The following FBXL7 variants were observed in gnomAD, a reference collection of about 807,000 sequenced individuals.
FBXL7 encodes F-box and leucine rich repeat protein 7, also known as F-box/LRR-repeat protein 7.
In FBXL7, 12 loss-of-function variants were observed where a neutral mutation model predicts 38.3. The observed-to-expected ratio is 0.31, with a 90% confidence interval of 0.20 to 0.51. FBXL7 has a LOEUF of 0.51. Ranked by LOEUF, FBXL7 falls within the 20% of genes least tolerant of loss-of-function variation. The pLI, the probability that FBXL7 is intolerant of heterozygous loss-of-function variation, is 0.98. For synonymous variants in FBXL7, 297 were observed against 300.9 expected, an observed-to-expected ratio of 0.99 and a Z score of 0.13; for missense variants, 567 against 676.4, an observed-to-expected ratio of 0.84 and a Z score of 1.79.
intron 2 of FBXL7, among the ~76,000 whole-genome samples, chr5:15,626,381 T>C (rs561036099): frequency 6.6e-6 from 1 of 152,230 alleles, no homozygotes; most frequent in Non-Finnish European, 1.5e-5. Context: ...ATCATCTCAG[T>C]GTCCAGAAAA....
chr5:15,936,400 C>G lies in FBXL7; in HGVS notation c.740-50C>G, dbSNP rs1316605441. ...TGCCCCAGGGCATCCCCAGGCGTGG[C>G]TCCCCTGCTGGCAGGTTGCTCTGAG... is the stretch of plus-strand genomic sequence containing the variant. On this transcript the variant is annotated intron_variant, in intron 3 of 3. Transcript: ENST00000504595. The surrounding 1 kb of genome is among the most constrained non-coding windows in gnomAD (Gnocchi z 6.0). 1 of 1,574,792 alleles carries G rather than the reference C, an allele frequency of 6.4e-7. No individual in the cohort carries two copies. The highest frequency in any genetic ancestry group is 2.2e-5 in the East Asian group (1 of 44,468).
chr5:15,862,049 G>C (rs1242024562), intron 2 of FBXL7, among the ~76,000 whole-genome samples: 3 of 152,244 alleles, frequency 2.0e-5, no homozygotes, highest in Admixed American at 6.5e-5. Context: ...GACTGTCTTT[G>C]AGAATGGAAA....
At chr5:15,708,312 C>T (rs971791661) in intron 2 of FBXL7, among the ~76,000 whole-genome samples, 18 of 152,216 alleles carry the variant, frequency 1.2e-4, no homozygotes, top group African/African-American at 4.1e-4. Context: ...AATTGGGTCT[C>T]TCACTGGGTT....
At chr5:15,876,585 G>C (rs573135576) in intron 2 of FBXL7, among the ~76,000 whole-genome samples, 1 of 152,208 alleles carries the variant, frequency 6.6e-6, no homozygotes, top group South Asian at 2.1e-4. Flanking sequence ...TATTAGAAAC[G>C]TGAAACTTAG....
intron 2 of FBXL7, among the ~76,000 whole-genome samples, chr5:15,618,033 G>A (rs1740510482): frequency 6.6e-6 from 1 of 152,110 alleles, no homozygotes; most frequent in Non-Finnish European, 1.5e-5. Context: ...GGGGAGGGTA[G>A]TGTGGGACCT....
At chr5:15,924,063 G>A (rs1741816208) in intron 2 of FBXL7, among the ~76,000 whole-genome samples, 1 of 152,082 alleles carries the variant, frequency 6.6e-6, no homozygotes, top group Admixed American at 6.5e-5. Context: ...AAGAAACACT[G>A]GTTTCAGCGA....
Position 15,812,516 on chromosome 5 carries a change from T to A in FBXL7, c.128-115374T>A, listed in dbSNP as rs555723081. 6.4e-3 allele frequency among the ~76,000 whole-genome samples: 976 copies of A among 152,098 alleles called. 4 individuals are homozygous for A. Among genetic ancestry groups the A allele is most frequent in the African/African-American group, 0.011 (444 of 41,532 alleles). On this transcript the variant is annotated intron_variant, in intron 2 of 3. Transcript: ENST00000504595. ...AACTTAAAGTAAAATTTTAAAAAAA[T>A]TTTAAAAATTACTGTAGCCTTGTAG...
At chr5:15,899,980 C>A (rs1339693285) in intron 2 of FBXL7, among the ~76,000 whole-genome samples, 1 of 152,076 alleles carries the variant, frequency 6.6e-6, no homozygotes, top group African/African-American at 2.4e-5. Context: ...ATTAACTGGC[C>A]TTTGGAATAT....
intron 2 of FBXL7, among the ~76,000 whole-genome samples, chr5:15,880,755 A>C (rs771058272): frequency 1.4e-3 from 209 of 147,336 alleles, no homozygotes; most frequent in Admixed American, 3.7e-3. Flanking sequence ...ATATATACTT[A>C]GTAAAATAAA....
At chr5:15,620,703 C>T (rs1440625885) in intron 2 of FBXL7, among the ~76,000 whole-genome samples, 1 of 152,148 alleles carries the variant, frequency 6.6e-6, no homozygotes, top group Non-Finnish European at 1.5e-5. Flanking sequence ...GCGGAACTGG[C>T]CTGAAACTGA....
intron 2 of FBXL7, among the ~76,000 whole-genome samples, chr5:15,745,721 T>C (rs1735997393): frequency 6.6e-6 from 1 of 152,060 alleles, no homozygotes. Flanking sequence ...GACCCTACAT[T>C]TGGAGCAGCA....
At chr5:15,758,715 A>G (rs1736364301) in intron 2 of FBXL7, among the ~76,000 whole-genome samples, 2 of 152,154 alleles carry the variant, frequency 1.3e-5, no homozygotes, top group South Asian at 4.1e-4. Flanking sequence ...AAATGTACCC[A>G]CAGCAAGGTG....
At chr5:15,808,347 A>T (rs1026512527) in intron 2 of FBXL7, among the ~76,000 whole-genome samples, 8 of 152,238 alleles carry the variant, frequency 5.3e-5, no homozygotes, top group African/African-American at 1.7e-4. Context: ...TCTGAAAAAA[A>T]TTCATATATA....
intron 2 of FBXL7, among the ~76,000 whole-genome samples, chr5:15,697,322 A>C (rs1743372845): frequency 6.6e-6 from 1 of 152,182 alleles, no homozygotes; most frequent in Non-Finnish European, 1.5e-5. Context: ...CAAAATTTAT[A>C]ATCAAGAGTA....
intron 2 of FBXL7, among the ~76,000 whole-genome samples, chr5:15,696,741 A>G (rs1743349539): frequency 6.6e-6 from 1 of 152,206 alleles, no homozygotes; most frequent in South Asian, 2.1e-4. Context: ...CATCAGGACA[A>G]GATCTTGATT....
chr5:15,529,546 C>T lies in FBXL7; in HGVS notation c.37+28833C>T, dbSNP rs567133943. Among the ~76,000 whole-genome samples, 152 of 152,062 alleles carry T rather than the reference C, an allele frequency of 1.0e-3. 1 individual carries two copies. Among genetic ancestry groups the T allele is most frequent in the African/African-American group, 2.9e-3 (122 of 41,498 alleles). On this transcript the variant is annotated intron_variant, in intron 1 of 3. Coordinates refer to ENST00000504595, the MANE Select transcript of FBXL7 (RefSeq NM_012304.5). ...GACTACAGGTGCCCGCCACCATGCC[C>T]GGCTAATTTTTTTGTATTTTTGTAG... is the stretch of plus-strand genomic sequence containing the variant.
intron 1 of FBXL7, among the ~76,000 whole-genome samples, chr5:15,568,531 T>G (rs1315260967): frequency 6.8e-6 from 1 of 148,076 alleles, no homozygotes; most frequent in Admixed American, 6.9e-5. Flanking sequence ...TTCTCCCATT[T>G]TGTAGGTTGC....
At chr5:15,902,486 A>G (rs1487982773) in intron 2 of FBXL7, among the ~76,000 whole-genome samples, 3 of 152,234 alleles carry the variant, frequency 2.0e-5, no homozygotes, top group Non-Finnish European at 4.4e-5. Context: ...TGATTAAAAG[A>G]AAAAAGTGTC....
At chr5:15,810,378 T>C (rs1238497233) in intron 2 of FBXL7, among the ~76,000 whole-genome samples, 1 of 151,988 alleles carries the variant, frequency 6.6e-6, no homozygotes, top group African/African-American at 2.4e-5. Flanking sequence ...CTGGCCAACA[T>C]GGTGAAACCT....
Sources: gnomAD v4.1 joint callset for allele counts (sites outside exome capture counted in the v4.1 genomes callset) on GRCh38, gnomAD v4.1.1 for gene constraint, Gnocchi (gnomAD v3.1) non-coding constraint, MANE v1.5 for transcripts, NCBI Gene and HGNC (gene_info 2026-07-23, HGNC 2026-07-21) for gene names.